Variants in RAD51B observed in about 807,000 individuals in gnomAD.
The protein encoded by RAD51B is DNA repair protein RAD51 homolog 2.
Under a neutral mutation model 42.2 loss-of-function variants are expected in RAD51B, and 38 were observed. The ratio of observed to expected loss-of-function variants is 0.90; its 90% CI spans 0.70 to 1.18. The LOEUF is 1.18. Ranked by LOEUF, RAD51B falls within the 50% of genes most tolerant of loss-of-function variation. The pLI is 0.00. For missense variants in RAD51B, 373 were observed against 400.7 expected, an observed-to-expected ratio of 0.93 and a Z score of 0.59; for synonymous variants, 154 against 145.2, an observed-to-expected ratio of 1.06 and a Z score of -0.43.
intron 7 of RAD51B, among the ~76,000 whole-genome samples, chr14:68,047,072 TA>T (rs991061314): frequency 1.3e-5 from 2 of 151,932 alleles, no homozygotes; most frequent in African/African-American, 4.8e-5. Context: ...TTTATCTAAA[TA>T]AGGTTTTATT....
At chr14:68,415,677 A>G (rs577481738) in intron 9 of RAD51B, among the ~76,000 whole-genome samples, 2 of 152,330 alleles carry the variant, frequency 1.3e-5, no homozygotes, top group South Asian at 4.1e-4. Context: ...CGAGGCCTTC[A>G]CTTGGGAAAC....
chr14:68,009,905 A>C (rs2075655400), intron 7 of RAD51B, among the ~76,000 whole-genome samples: 1 of 151,950 alleles, frequency 6.6e-6, no homozygotes, highest in South Asian at 2.1e-4. Flanking sequence ...CATATGTAAT[A>C]AATTACCAGC....
At position 67,887,077 on chromosome 14, in the gene RAD51B, ACT is replaced by A. The variant is rs745701150; in HGVS notation, c.632_633del (p.Ser211CysfsTer10). The A allele has an allele frequency of 1.3e-6, 2 of 1,575,620 alleles. No individual in the cohort carries two copies. Among genetic ancestry groups the A allele is most frequent in the Admixed American group, 1.7e-5 (1 of 58,714 alleles). ...AAAGGAATTAAACTTGTGATTCTTG[ACT>A]CTGTTGCTTCTGTGGTCAGAAAGGA... On this transcript the variant is annotated frameshift_variant, in exon 7 of 11. Coordinates refer to ENST00000471583, the MANE Select transcript of RAD51B (RefSeq NM_133510.4). LOFTEE classifies it high-confidence loss of function.
chr14:68,022,642 C>CA (rs2075885867), intron 7 of RAD51B, among the ~76,000 whole-genome samples: 1 of 149,324 alleles, frequency 6.7e-6, no homozygotes, highest in Admixed American at 6.7e-5. Flanking sequence ...GCTTGTCTCT[C>CA]TTTTTTTTTT....
In RAD51B at chr14:68,023,278, C is replaced by T. The variant is rs144632805; in HGVS notation, c.756+136074C>T. ...AACTAATTTGCAGTCCCACCAGTGG[C>T]GTATAAACATTCCCTTTTCTCCACA... On this transcript the variant is annotated intron_variant, in intron 7 of 10. Transcript: ENST00000471583. Among the ~76,000 whole-genome samples, 940 of 152,248 alleles carry T rather than the reference C, an allele frequency of 6.2e-3. 35 individuals carry two copies. The highest frequency in any genetic ancestry group is 0.054 in the Admixed American group (831 of 15,288).
chr14:68,280,170 T>C (rs2139620584), intron 7 of RAD51B, among the ~76,000 whole-genome samples: 1 of 152,352 alleles, frequency 6.6e-6, no homozygotes, highest in South Asian at 2.1e-4. Flanking sequence ...ACTCAGTGTT[T>C]CCAACTCTAA....
At chr14:67,975,231 T>G (rs2074970818) in intron 7 of RAD51B, among the ~76,000 whole-genome samples, 2 of 152,220 alleles carry the variant, frequency 1.3e-5, no homozygotes, top group African/African-American at 2.4e-5. Context: ...GTTGAGGTTC[T>G]TATCACTTAG....
intron 7 of RAD51B, among the ~76,000 whole-genome samples, chr14:68,110,659 C>G (rs945520313): frequency 3.9e-5 from 6 of 151,972 alleles, no homozygotes; most frequent in African/African-American, 9.7e-5. Context: ...AAGCATTTAT[C>G]TATAAGTTAA....
intron 7 of RAD51B, among the ~76,000 whole-genome samples, chr14:68,227,209 T>C (rs553528965): frequency 3.3e-5 from 5 of 152,328 alleles, no homozygotes; most frequent in South Asian, 4.1e-4. Context: ...AAGAAGGCAG[T>C]AGGGCACTCT....
At chr14:68,177,563 G>T (rs574663716) in intron 7 of RAD51B, among the ~76,000 whole-genome samples, 1 of 152,076 alleles carries the variant, frequency 6.6e-6, no homozygotes, top group Non-Finnish European at 1.5e-5. Flanking sequence ...GTCCACTTAT[G>T]AGGAGAAAAT....
intron 7 of RAD51B, among the ~76,000 whole-genome samples, chr14:68,033,659 G>A (rs1022817935): frequency 6.6e-6 from 1 of 152,176 alleles, no homozygotes; most frequent in African/African-American, 2.4e-5. Flanking sequence ...AAAGCATGAG[G>A]AGGGCAGAAG....
chr14:68,540,665 C>A, intron 10 of RAD51B: 2 of 985,342 alleles, frequency 2.0e-6, no homozygotes, highest in Non-Finnish European at 2.4e-6. Flanking sequence ...GAGAAACACA[C>A]AAGGGGACCC....
At chr14:68,378,750 T>C (rs2083421986) in intron 8 of RAD51B, among the ~76,000 whole-genome samples, 1 of 152,078 alleles carries the variant, frequency 6.6e-6, no homozygotes, top group Non-Finnish European at 1.5e-5. Flanking sequence ...ACCCTAGATA[T>C]GGAGGGCTGA....
At chr14:68,243,175 G>A (rs545496613) in intron 7 of RAD51B, among the ~76,000 whole-genome samples, 3 of 152,144 alleles carry the variant, frequency 2.0e-5, no homozygotes, top group East Asian at 3.9e-4. Flanking sequence ...ATCGATACCC[G>A]TTGCCTTCAG....
chr14:68,376,078 G>A (rs1045450054), intron 8 of RAD51B, among the ~76,000 whole-genome samples: 1 of 152,112 alleles, frequency 6.6e-6, no homozygotes, highest in African/African-American at 2.4e-5. Context: ...AGCTGTTGGG[G>A]CCACTTAAGG....
At chr14:68,145,890 A>G (rs2078237439) in intron 7 of RAD51B, among the ~76,000 whole-genome samples, 1 of 152,214 alleles carries the variant, frequency 6.6e-6, no homozygotes, top group African/African-American at 2.4e-5. Context: ...TAGAATATAT[A>G]GTCTATGTAG....
chr14:68,174,878 C>A (rs866467531), intron 7 of RAD51B, among the ~76,000 whole-genome samples: 1 of 152,106 alleles, frequency 6.6e-6, no homozygotes, highest in African/African-American at 2.4e-5. Context: ...AAATTTAATT[C>A]TATTAATGGT....
intron 10 of RAD51B, among the ~76,000 whole-genome samples, chr14:68,474,803 G>A (rs186629411): frequency 1.6e-3 from 241 of 152,304 alleles, no homozygotes; most frequent in African/African-American, 3.6e-3. Context: ...ATCCTTCAAC[G>A]AAGTCCCTGA....
At chr14:68,521,286 A>G (rs991813151) in intron 10 of RAD51B, among the ~76,000 whole-genome samples, 2 of 152,224 alleles carry the variant, frequency 1.3e-5, no homozygotes, top group African/African-American at 4.8e-5. Flanking sequence ...AAAGCACCTC[A>G]GGACCTCCAG....
Sources: gnomAD v4.1 joint callset for allele counts (sites outside exome capture counted in the v4.1 genomes callset) on GRCh38, gnomAD v4.1.1 for gene constraint, MANE v1.5 for transcripts, NCBI Gene and HGNC (gene_info 2026-07-23, HGNC 2026-07-21) for gene names.